Variants in IGDCC4 observed in about 807,000 individuals in gnomAD.
The protein encoded by IGDCC4 is likely ortholog of mouse neighbor of Punc E11.
In IGDCC4, 72 loss-of-function variants were observed where a neutral mutation model predicts 116.6. That is an observed-to-expected ratio of 0.62 (90% CI 0.51 to 0.75). IGDCC4 has a LOEUF of 0.75. IGDCC4 is among the 30% of genes least tolerant of loss of function. The probability of loss-of-function intolerance (pLI) is 0.00; values close to 1 mark genes in which losing one functional copy is unlikely to be tolerated. For missense variants in IGDCC4, 1,501 were observed against 1,662.4 expected, an observed-to-expected ratio of 0.90 and a Z score of 1.69; for synonymous variants, 709 against 719.9, an observed-to-expected ratio of 0.98 and a Z score of 0.24.
chr15:65,385,622 G>C, intron 18 of IGDCC4: 3 of 636,040 alleles, frequency 4.7e-6, no homozygotes, highest in Non-Finnish European at 5.6e-6. Flanking sequence ...TTTCCTTCGT[G>C]AGAACCAAGC....
Position 65,398,251 on chromosome 15 carries a change from C to T in IGDCC4, c.842-1262G>A, listed in dbSNP as rs116282544. On this transcript the variant is annotated intron_variant, in intron 5 of 19. Transcript: ENST00000352385. ...CAACATTTGCAGTCAGAAAACAAAA[C>T]AGCCGGACACAGTGGCTCACACCTG... Among the ~76,000 whole-genome samples the T allele has an allele frequency of 2.3e-3, 345 of 152,208 alleles. 1 individual carries two copies. The highest frequency in any genetic ancestry group is 8.1e-3 in the African/African-American group (336 of 41,534).
At position 65,419,821 on chromosome 15, in the gene IGDCC4, C is replaced by T. The variant is rs534577142; in HGVS notation, c.70+2972G>A. On this transcript the variant is annotated intron_variant, in intron 1 of 19. Coordinates refer to ENST00000352385, the MANE Select transcript of IGDCC4 (RefSeq NM_020962.3). ...GTGATAAGAACAGAGCTCGGCTTCT[C>T]GCCACCTGTTCACAAAGGGGTCCCA... Among the ~76,000 whole-genome samples, 7 of 152,310 alleles carry T rather than the reference C, an allele frequency of 4.6e-5. No homozygotes were observed. In the South Asian group the frequency reaches 1.0e-3, roughly 23 times the overall value.
At chr15:65,390,088 C>T in intron 13 of IGDCC4, 67 bp downstream of exon 13, 1 of 1,407,816 alleles carries the variant, frequency 7.1e-7, no homozygotes. Flanking sequence ...CACCTGCTGC[C>T]TTCCCACCAC....
intron 1 of IGDCC4, among the ~76,000 whole-genome samples, chr15:65,421,426 G>A (rs1190788925): frequency 6.6e-6 from 1 of 152,172 alleles, no homozygotes; most frequent in Non-Finnish European, 1.5e-5. Flanking sequence ...CAGCTCCTCT[G>A]GCCCAGCAGC....
intron 1 of IGDCC4, among the ~76,000 whole-genome samples, chr15:65,417,300 AG>A (rs2063153663): frequency 6.6e-6 from 1 of 152,014 alleles, no homozygotes; most frequent in Admixed American, 6.6e-5. Flanking sequence ...CTGGGACACA[AG>A]GAAGGCCTCA....
At chr15:65,386,730 T>G (rs2091464613) in intron 16 of IGDCC4, 74 bp from the exon 17 acceptor site, 1 of 1,181,830 alleles carries the variant, frequency 8.5e-7, no homozygotes, top group African/African-American at 1.5e-5. Context: ...GGACTATCCA[T>G]GGCTTTCTCA....
rs1234480736 is a variant in IGDCC4 at position 65,389,340 on chromosome 15, C to T, written c.2480G>A (p.Gly827Asp). ...GCCGAAAGGCCCATCCATGTCCACG[C>T]CGTGAGACTGCACTGCAAACTCGTA... The part of the protein sequence containing the change: ...TKYEFAVQSH[G>D]VDMDGPFGSV... Residue 827 changes from glycine to aspartate, a missense_variant, in exon 14 of 20, where the codon GGC becomes GAC. Physicochemically the swap from Gly to Asp is moderately conservative, Grantham distance 94. Coordinates refer to ENST00000352385, the MANE Select transcript of IGDCC4 (RefSeq NM_020962.3). 6.2e-7 allele frequency: 1 copy of T among 1,614,052 alleles called. No homozygotes were observed. Among genetic ancestry groups the T allele is most frequent in the Admixed American group, 1.7e-5 (1 of 59,994 alleles).
chr15:65,392,080 C>A (rs2062871801), intron 11 of IGDCC4, 54 bp downstream of exon 11: 2 of 1,540,778 alleles, frequency 1.3e-6, no homozygotes, highest in Non-Finnish European at 1.8e-6. Flanking sequence ...CACAACTTGC[C>A]CAGTCCCCAC....
At chr15:65,404,671 G>GTGAA (rs58462797) in intron 3 of IGDCC4, among the ~76,000 whole-genome samples, 4,224 of 151,202 alleles carry the variant, frequency 0.028, 80 homozygotes, top group African/African-American at 0.054. Context: ...ATGTGATTGA[G>GTGAA]TGAATGAATG....
intron 13 of IGDCC4, among the ~76,000 whole-genome samples, 160 bp downstream of exon 13, chr15:65,389,995 C>T (rs1355575631): frequency 6.6e-6 from 1 of 152,144 alleles, no homozygotes; most frequent in Non-Finnish European, 1.5e-5. Context: ...GGACGTGGAC[C>T]CTGTGCAGCC....
At position 65,384,061 on chromosome 15, in the gene IGDCC4, G is replaced by A. The variant is rs2091428142; in HGVS notation, c.3701C>T (p.Pro1234Leu). The change falls in exon 20 of 20, where the codon CCT (proline) becomes CTT (leucine). Residue 1234 changes from proline (P) to leucine (L), a missense_variant. Pro to Leu is a moderately conservative substitution (Grantham distance 98). This residue lies in a region of IGDCC4 where 368 missense variants were observed against 355.6 expected (regional missense o/e 1.03). Coordinates refer to ENST00000352385, the MANE Select transcript of IGDCC4 (RefSeq NM_020962.3). The surrounding 1 kb of genome is among the most constrained non-coding windows in gnomAD (Gnocchi z 4.9). ...GDSCQLKSPC[P>L]LGASPGLPRS... ...GGGCAGGCCTGGGCTGGCTCCTAGAGGGCAGGGGGATTTGAGCTGGCAGCT... is the reference window on the plus strand; with the variant it reads ...GGGCAGGCCTGGGCTGGCTCCTAGAAGGCAGGGGGATTTGAGCTGGCAGCT... 1 of 1,613,084 alleles carries A rather than the reference G, an allele frequency of 6.2e-7. No individual in the cohort carries two copies. The highest frequency in any genetic ancestry group is 8.5e-7 in the Non-Finnish European group (1 of 1,179,452).
At chr15:65,420,049 C>T (rs564988902) in intron 1 of IGDCC4, among the ~76,000 whole-genome samples, 1 of 139,490 alleles carries the variant, frequency 7.2e-6, no homozygotes, top group Non-Finnish European at 1.5e-5. Flanking sequence ...CAGGTTCAAA[C>T]GATTCTCGAG....
In IGDCC4 at chr15:65,402,420, G is replaced by C; in HGVS notation, c.631C>G (p.Arg211Gly). The C allele has an allele frequency of 4.5e-6, 7 of 1,568,478 alleles. No homozygotes were observed. Among genetic ancestry groups the C allele is most frequent in the Non-Finnish European group, 6.1e-6 (7 of 1,155,936 alleles). ...DVQESDAGPY[R>G]CVATNSARQH... ...CGAGCTGAGTTGGTGGCCACGCAGCGGTAGGGGCCTGCATCACTCTCCTGA... is the reference window on the plus strand; with the variant it reads ...CGAGCTGAGTTGGTGGCCACGCAGCCGTAGGGGCCTGCATCACTCTCCTGA... Residue 211 changes from arginine to glycine, a missense_variant, in exon 4 of 20, where the codon CGC (arginine) becomes GGC (glycine). Transcript: ENST00000352385.
In IGDCC4 at chr15:65,393,477, G is replaced by T. The variant is rs757318390; in HGVS notation, c.1769C>A (p.Ser590Ter). ...TCGATACACCTTGTTTGGCTGAAGCGAGTTCAGCATAAGCTGTGTCTCATT... is the reference window on the plus strand; with the variant it reads ...TCGATACACCTTGTTTGGCTGAAGCTAGTTCAGCATAAGCTGTGTCTCATT... ...RGNETQLMLN[S>*]LQPNKVYRVR... is the part of the protein sequence containing the mutation. The change falls in exon 10 of 20, where the codon TCG (serine) becomes TAG (stop). Residue 590 changes from serine to a stop codon, truncating the protein, a stop_gained. Coordinates refer to ENST00000352385, the MANE Select transcript of IGDCC4 (RefSeq NM_020962.3). LOFTEE classifies it high-confidence loss of function. The surrounding 1 kb of genome is among the most constrained non-coding windows in gnomAD (Gnocchi z 4.6). The T allele has an allele frequency of 1.9e-6, 3 of 1,612,594 alleles. No individual in the cohort carries two copies. Among genetic ancestry groups the T allele is most frequent in the Non-Finnish European group, 2.5e-6 (3 of 1,179,302 alleles).
rs770565019 is a variant in IGDCC4, at chr15:65,396,081, C to T, written c.1080G>A (p.Gly360=). 1 of 1,384,960 alleles carries T rather than the reference C, an allele frequency of 7.2e-7. No individual in the cohort carries two copies. 85.8% of individuals were successfully genotyped at this position (1,384,960 alleles called of 1,614,324 possible). A position where few individuals can be genotyped will look rare whatever the true frequency, so the allele number is the denominator to read the frequency against. Residue 360 remains glycine, a synonymous_variant, in exon 7 of 20, where the codon GGG becomes GGA. Coordinates refer to ENST00000352385, the MANE Select transcript of IGDCC4 (RefSeq NM_020962.3). ...GCCAGCGCAGCGCTGGCCGCGGCTCCCCCGACGCGCGGCACACGAAGCGCG... is the reference window on the plus strand; with the variant it reads ...GCCAGCGCAGCGCTGGCCGCGGCTCTCCCGACGCGCGGCACACGAAGCGCG... ...STARFVCRAS[G]EPRPALRWLH... is the part of the protein sequence containing the mutation.
intron 1 of IGDCC4, among the ~76,000 whole-genome samples, chr15:65,412,064 A>C (rs1188268120): frequency 1.3e-5 from 2 of 152,100 alleles, no homozygotes. Context: ...AGATAATTTA[A>C]AAAGTTAGCT....
At position 65,395,960 on chromosome 15, in the gene IGDCC4, C is replaced by A; in HGVS notation, c.1201G>T (p.Gly401Cys). The stretch of plus-strand genomic sequence containing the variant: ...TTCTCAGCCACGCACTGGTAGTAGC[C>A]GGCGTCCTGCAGGCCGATCTGTGTG... ...VITQIGLQDA[G>C]YYQCVAENSA... is the part of the protein sequence containing the mutation. The change falls in exon 7 of 20, where the codon GGC becomes TGC. Residue 401 changes from glycine (G) to cysteine (C), a missense_variant. Physicochemically the swap from Gly to Cys is radical, Grantham distance 159. Coordinates refer to ENST00000352385, the MANE Select transcript of IGDCC4 (RefSeq NM_020962.3). The A allele has an allele frequency of 6.3e-7, 1 of 1,584,760 alleles. No individual in the cohort carries two copies. Among genetic ancestry groups the A allele is most frequent in the Non-Finnish European group, 8.5e-7 (1 of 1,173,118 alleles).
chr15:65,407,379 G>A (rs754124465), intron 3 of IGDCC4, among the ~76,000 whole-genome samples: 3 of 151,784 alleles, frequency 2.0e-5, no homozygotes, highest in Non-Finnish European at 2.9e-5. Context: ...GTCTTCCTCT[G>A]TCACCCAGGC....
Position 65,402,495 on chromosome 15 carries a change from A to G in IGDCC4, c.564-8T>C. ...TTGGGAAGCACGATGAGCCTTGGGA[A>G]GAGGGGAGCAGGCAACTGTGAGGTG... On this transcript the variant is annotated splice_region_variant and splice_polypyrimidine_tract_variant and intron_variant, in intron 3 of 19. Coordinates refer to ENST00000352385, the MANE Select transcript of IGDCC4 (RefSeq NM_020962.3). 6.4e-7 allele frequency: 1 copy of G among 1,564,428 alleles called. No homozygotes were observed. Among genetic ancestry groups the G allele is most frequent in the Non-Finnish European group, 8.7e-7 (1 of 1,153,442 alleles).
Sources: allele counts gnomAD v4.1 joint callset (sites outside exome capture counted in the v4.1 genomes callset), GRCh38; gene constraint gnomAD v4.1.1; regional missense constraint gnomAD v4.1.1; non-coding constraint Gnocchi (gnomAD v3.1); transcripts MANE v1.5; gene names NCBI Gene and HGNC (gene_info 2026-07-23, HGNC 2026-07-21).